Variants in ME3 observed in about 807,000 individuals in gnomAD.
The protein encoded by ME3 is malic enzyme 3.
Under a neutral mutation model 68.9 loss-of-function variants are expected in ME3, and 48 were observed. That is an observed-to-expected ratio of 0.70 (90% confidence interval 0.55 to 0.89). ME3 has a LOEUF of 0.89. ME3 is among the 40% of genes least tolerant of loss of function. The pLI is 0.00. For missense variants in ME3, 675 were observed against 797.4 expected (o/e 0.85, Z 1.85); for synonymous variants, 320 against 318.8 (o/e 1.00, Z -0.04).
chr11:86,548,812 A>G (rs966819184), intron 4 of ME3, among the ~76,000 whole-genome samples: 2 of 152,184 alleles, frequency 1.3e-5, no homozygotes, highest in African/African-American at 4.8e-5. Context: ...AGTTCATGAC[A>G]GGAACCCATA....
In ME3 at chr11:86,664,118, AGTTG is replaced by A. The variant is rs543814054; in HGVS notation, c.183+7640_183+7643del. 6.7e-3 allele frequency among the ~76,000 whole-genome samples: 1,024 copies of A among 152,350 alleles called. 6 individuals are homozygous for A. Among genetic ancestry groups the A allele is most frequent in the Non-Finnish European group, 0.01 (687 of 68,036 alleles). On this transcript the variant is annotated intron_variant, in intron 2 of 14. Transcript: ENST00000543262. ...TGTTACAGATGGGCCAGCTTCCCAAAGTTGGTCTGAGTATTATTTACTTGGCTCT... is the reference window on the plus strand; with the variant it reads ...TGTTACAGATGGGCCAGCTTCCCAAAGTCTGAGTATTATTTACTTGGCTCT...
At chr11:86,458,478 A>G (rs11234661) in intron 8 of ME3, among the ~76,000 whole-genome samples, 6,732 of 152,168 alleles carry the variant, frequency 0.044, 170 homozygotes, top group Middle Eastern at 0.062. Context: ...AATGATGATC[A>G]TCTTCTTGGC....
At chr11:86,572,732 A>G (rs538840915) in intron 2 of ME3, among the ~76,000 whole-genome samples, 57 of 152,340 alleles carry the variant, frequency 3.7e-4, no homozygotes, top group African/African-American at 1.3e-3. Flanking sequence ...TGGTGCTGCA[A>G]TAAACATATA....
intron 4 of ME3, among the ~76,000 whole-genome samples, chr11:86,524,877 A>T (rs1179592110): frequency 6.6e-6 from 1 of 152,242 alleles, no homozygotes; most frequent in Non-Finnish European, 1.5e-5. Flanking sequence ...GGAGAAGCAC[A>T]CATTTGATCT....
intron 13 of ME3, among the ~76,000 whole-genome samples, chr11:86,445,966 C>T (rs1271608125): frequency 6.6e-6 from 1 of 152,038 alleles, no homozygotes; most frequent in Admixed American, 6.6e-5. Flanking sequence ...CTATCATGGT[C>T]CACAAGCCCT....
intron 2 of ME3, among the ~76,000 whole-genome samples, chr11:86,598,098 A>G (rs1469597671): frequency 6.6e-6 from 1 of 152,102 alleles, no homozygotes; most frequent in Non-Finnish European, 1.5e-5. Context: ...CAGTGGGCGC[A>G]GGACAGTGGG....
chr11:86,644,426 TAC>T (rs1944870766), intron 2 of ME3, among the ~76,000 whole-genome samples: 1 of 152,180 alleles, frequency 6.6e-6, no homozygotes, highest in African/African-American at 2.4e-5. Flanking sequence ...CCAGCCCACA[TAC>T]ACAGACTCCC....
chr11:86,630,753 T>A (rs1943963337), intron 2 of ME3, among the ~76,000 whole-genome samples: 1 of 152,234 alleles, frequency 6.6e-6, no homozygotes, highest in Non-Finnish European at 1.5e-5. Flanking sequence ...ATGACCATGT[T>A]ACTAAGTGTG....
At chr11:86,605,118 C>T (rs1961434937) in intron 2 of ME3, among the ~76,000 whole-genome samples, 2 of 152,170 alleles carry the variant, frequency 1.3e-5, no homozygotes, top group Admixed American at 1.3e-4. Context: ...TTTTTATGTA[C>T]AGCTTCTTTC....
At chr11:86,579,936 C>G (rs4944600) in intron 2 of ME3, among the ~76,000 whole-genome samples, 1 of 152,056 alleles carries the variant, frequency 6.6e-6, no homozygotes, top group Non-Finnish European at 1.5e-5. Context: ...AAATATGGAA[C>G]CTTGGAACTT....
intron 4 of ME3, among the ~76,000 whole-genome samples, chr11:86,510,910 C>T (rs999007674): frequency 1.3e-5 from 2 of 152,168 alleles, no homozygotes; most frequent in African/African-American, 4.8e-5. Flanking sequence ...AAAACAAAGA[C>T]TCAAGACAAA....
chr11:86,635,246 G>A (rs1290625638), intron 2 of ME3, among the ~76,000 whole-genome samples: 1 of 152,192 alleles, frequency 6.6e-6, no homozygotes, highest in African/African-American at 2.4e-5. Flanking sequence ...TGGGTGATTG[G>A]CTCTATAAGA....
intron 2 of ME3, among the ~76,000 whole-genome samples, chr11:86,619,049 C>A (rs1056415743): frequency 6.6e-6 from 1 of 152,134 alleles, no homozygotes; most frequent in African/African-American, 2.4e-5. Flanking sequence ...CTTCTTCCCC[C>A]CAACCCGCCA....
intron 2 of ME3, among the ~76,000 whole-genome samples, chr11:86,638,978 C>T (rs185902777): frequency 5.8e-4 from 89 of 152,328 alleles, no homozygotes; most frequent in Non-Finnish European, 1.0e-3. Flanking sequence ...CATTCTATCT[C>T]TAGAGAATGT....
At chr11:86,634,364 C>A (rs1944202414) in intron 2 of ME3, among the ~76,000 whole-genome samples, 1 of 152,196 alleles carries the variant, frequency 6.6e-6, no homozygotes, top group Non-Finnish European at 1.5e-5. Context: ...TCCCTCCTGA[C>A]ATCCTGGTTG....
At chr11:86,441,549 G>C (rs1274375660) in intron 14 of ME3, 109 bp from the exon 15 acceptor site, 2 of 1,099,138 alleles carry the variant, frequency 1.8e-6, no homozygotes, top group South Asian at 4.2e-5. Context: ...AACCAGACTT[G>C]TTTCTTTCAT....
chr11:86,509,012 T>C (rs1381851943), intron 4 of ME3, 145 bp from the exon 5 acceptor site: 4 of 656,658 alleles, frequency 6.1e-6, no homozygotes, highest in Non-Finnish European at 1.1e-5. Flanking sequence ...CCCAGCAGTT[T>C]AGAGGGTCAT....
chr11:86,442,491 A>G (rs1277105975), intron 14 of ME3, among the ~76,000 whole-genome samples: 2 of 152,154 alleles, frequency 1.3e-5, no homozygotes, highest in Admixed American at 6.5e-5. Flanking sequence ...TTTTTCCGTG[A>G]TGCTATGCAA....
At chr11:86,610,168 A>G (rs116931809) in intron 2 of ME3, among the ~76,000 whole-genome samples, 51 of 152,260 alleles carry the variant, frequency 3.3e-4, no homozygotes, top group Non-Finnish European at 6.0e-4. Context: ...CACCAAATTT[A>G]TGACAGTGAT....
Sources: allele counts gnomAD v4.1 joint callset (sites outside exome capture counted in the v4.1 genomes callset), GRCh38; gene constraint gnomAD v4.1.1; transcripts MANE v1.5; gene names NCBI Gene and HGNC (gene_info 2026-07-23, HGNC 2026-07-21).